COL18A1: variants seen among roughly 807,000 people sequenced by gnomAD.
COL18A1 encodes the protein collagen alpha-1(XVIII) chain.
In COL18A1, 133 loss-of-function variants were observed where a neutral mutation model predicts 168.0. The observed-to-expected ratio is 0.79, with a 90% CI of 0.69 to 0.91. The LOEUF is 0.91. Ranked by LOEUF, COL18A1 falls within the 40% of genes least tolerant of loss-of-function variation. The pLI, the probability that COL18A1 is intolerant of heterozygous loss-of-function variation, is 0.00. For synonymous variants in COL18A1, 949 were observed against 809.0 expected (o/e 1.17, Z -2.94); for missense variants, 2,126 against 1,925.4 (o/e 1.10, Z -1.95).
intron 29 of COL18A1, chr21:45,496,157 T>C (rs1490279783): frequency 2.2e-6 from 1 of 462,206 alleles, no homozygotes; most frequent in African/African-American, 2.0e-5. Context: ...AGCCCAAAGG[T>C]GTCCACTCTG....
intron 2 of COL18A1, among the ~76,000 whole-genome samples, chr21:45,426,885 G>A (rs1160098872): frequency 1.3e-5 from 2 of 152,354 alleles, no homozygotes; most frequent in African/African-American, 2.4e-5. Flanking sequence ...GGTGGAAGGA[G>A]CTGCCTCTTG....
intron 37 of COL18A1, chr21:45,506,214 G>A: frequency 1.9e-6 from 1 of 538,558 alleles, no homozygotes; most frequent in Non-Finnish European, 3.3e-6. Context: ...CTCCTGGTGG[G>A]TCATGTCACA....
chr21:45,429,543 C>T (rs773165889), intron 2 of COL18A1, among the ~76,000 whole-genome samples: 6 of 152,224 alleles, frequency 3.9e-5, no homozygotes, highest in Non-Finnish European at 7.3e-5. Context: ...AGGAAGGCTC[C>T]ACTTCCTGTC....
chr21:45,444,233 G>A lies in COL18A1; in HGVS notation c.107-24009G>A, dbSNP rs142762620. Among the ~76,000 whole-genome samples, 518 of 152,220 alleles carry A rather than the reference G, an allele frequency of 3.4e-3. 3 individuals carry two copies. The highest frequency in any genetic ancestry group is 0.012 in the African/African-American group (497 of 41,520). On this transcript the variant is annotated intron_variant, in intron 2 of 41. Transcript: ENST00000651438. Reference sequence around the variant, plus strand: ...TTTGTGCCAGGTTTTGTTCTCCAGCGCATCTTCAGTGCTGCGAGCAGGCTG... The same window carrying A: ...TTTGTGCCAGGTTTTGTTCTCCAGCACATCTTCAGTGCTGCGAGCAGGCTG...
intron 2 of COL18A1, chr21:45,455,486 C>T (rs1373143884): frequency 2.5e-6 from 4 of 1,607,140 alleles, no homozygotes; most frequent in African/African-American, 1.3e-5. Context: ...CACCTCCAGG[C>T]ACAGAGGCCC....
chr21:45,475,856 C>G lies in COL18A1; in HGVS notation c.798+321C>G, dbSNP rs56964182. On this transcript the variant is annotated intron_variant, in intron 5 of 41. Transcript: ENST00000651438. The stretch of plus-strand genomic sequence containing the variant: ...CGCCCCATCCCTCCGTTAGCTCGTG[C>G]GTGGCCATCAGGGAATGAACGCGTG... 4.4e-3 allele frequency among the ~76,000 whole-genome samples: 670 copies of G among 152,348 alleles called. 9 individuals carry two copies. The highest frequency in any genetic ancestry group is 0.016 in the African/African-American group (648 of 41,584).
chr21:45,452,512 G>T (rs765797297), intron 2 of COL18A1, among the ~76,000 whole-genome samples: 1 of 94,356 alleles, frequency 1.1e-5, no homozygotes, highest in South Asian at 3.5e-4. Context: ...TTCACGTGAC[G>T]TGTGAGCATG....
intron 2 of COL18A1, among the ~76,000 whole-genome samples, chr21:45,418,215 G>C (rs886252722): frequency 6.6e-6 from 1 of 152,254 alleles, no homozygotes; most frequent in Non-Finnish European, 1.5e-5. Context: ...GCGCTGAGCG[G>C]AGCTGGCCGG....
intron 2 of COL18A1, among the ~76,000 whole-genome samples, chr21:45,429,396 C>A (rs1330772760): frequency 1.3e-5 from 2 of 150,928 alleles, no homozygotes; most frequent in Admixed American, 6.7e-5. Context: ...TGCTGCAGGT[C>A]CCTGTGAGGA....
chr21:45,466,586 G>T (rs1291728660), intron 2 of COL18A1, among the ~76,000 whole-genome samples: 3 of 152,246 alleles, frequency 2.0e-5, no homozygotes, highest in Non-Finnish European at 4.4e-5. Flanking sequence ...GGGAGTGGAG[G>T]CTGCGCCATT....
intron 20 of COL18A1, among the ~76,000 whole-genome samples, chr21:45,490,576 G>GGCC (rs1568921880): frequency 8.2e-5 from 10 of 122,354 alleles, no homozygotes; most frequent in African/African-American, 1.2e-4. Context: ...GCCCTCTCAG[G>GGCC]TCCCTGGGCC....
chr21:45,468,499 G>A lies in COL18A1; in HGVS notation c.364G>A (p.Gly122Ser). ...TDSAQAMVLL[G>S]VKLSGVQDGH... ...CTCGGCGCAGGCCATGGTCTTGCTG[G>A]GCGTGAAGCTCTCTGGGGTGCAGGA... The change falls in exon 3 of 42, where the codon GGC becomes AGC. Residue 122 changes from glycine (G) to serine (S), a missense_variant. Transcript: ENST00000651438. 1 of 1,613,908 alleles carries A rather than the reference G, an allele frequency of 6.2e-7. No homozygotes were observed. The highest frequency in any genetic ancestry group is 8.5e-7 in the Non-Finnish European group (1 of 1,180,010).
At chr21:45,482,119 A>G in intron 14 of COL18A1, 94 bp downstream of exon 14, 1 of 943,578 alleles carries the variant, frequency 1.1e-6, no homozygotes, top group Non-Finnish European at 1.7e-6. Context: ...TGAAGGGGAA[A>G]TGCCAGGAAT....
chr21:45,472,753 T>G (rs2035488631), intron 3 of COL18A1, among the ~76,000 whole-genome samples: 1 of 152,098 alleles, frequency 6.6e-6, no homozygotes, highest in Non-Finnish European at 1.5e-5. Flanking sequence ...GAACCGCTGG[T>G]GCGTTTTGTG....
At chr21:45,484,358 G>T (rs558601184) in intron 15 of COL18A1, among the ~76,000 whole-genome samples, 1 of 111,958 alleles carries the variant, frequency 8.9e-6, no homozygotes, top group Non-Finnish European at 1.8e-5. Flanking sequence ...GCATATGTGC[G>T]CACACACATA....
At position 45,477,951 on chromosome 21, in the gene COL18A1, A is replaced by G; in HGVS notation, c.1207A>G (p.Arg403Gly). The G allele has an allele frequency of 6.5e-7, 1 of 1,531,856 alleles. No homozygotes were observed. The highest frequency in any genetic ancestry group is 8.9e-7 in the Non-Finnish European group (1 of 1,128,714). The allele number at this position is 1,531,856 out of a possible 1,614,324, so 94.9% of individuals were successfully genotyped here. ...GPPGRDGTPG[R>G]DGEPGDPGED... ...TCCGGGGAGGGACGGCACCCCTGGA[A>G]GGGACGGCGAGCCGGTGAGTCCTCA... Residue 403 changes from arginine to glycine, a missense_variant, in exon 8 of 42, where the codon AGG (arginine) becomes GGG (glycine). Physicochemically the swap from Arg to Gly is moderately radical, Grantham distance 125 (BLOSUM62 -2). Coordinates refer to ENST00000651438, the MANE Select transcript of COL18A1 (RefSeq NM_001379500.1).
intron 2 of COL18A1, among the ~76,000 whole-genome samples, chr21:45,422,039 CACAG>C (rs2123548969): frequency 6.6e-6 from 1 of 152,270 alleles, no homozygotes; most frequent in East Asian, 1.9e-4. Context: ...CACACAGGTT[CACAG>C]ACACACAGGC....
rs770863635 is a variant in COL18A1 at position 45,503,996 on chromosome 21, G to A, written c.2684-15G>A. ...ACACCACCTCAGCGAGACCCCGCCT[G>A]TCTCTCTCTTGCAGGGCAGTTTCCG... On this transcript the variant is annotated splice_polypyrimidine_tract_variant and intron_variant, in intron 32 of 41. Coordinates refer to ENST00000651438, the MANE Select transcript of COL18A1 (RefSeq NM_001379500.1). 3 of 1,613,608 alleles carry A rather than the reference G, an allele frequency of 1.9e-6. No individual in the cohort carries two copies. In the South Asian group the frequency reaches 3.3e-5, roughly 18 times the overall value.
chr21:45,509,424 G>A lies in COL18A1; in HGVS notation c.3318G>A (p.Arg1106=). The A allele has an allele frequency of 6.5e-7, 1 of 1,537,954 alleles. No homozygotes were observed. Among genetic ancestry groups the A allele is most frequent in the Non-Finnish European group, 8.7e-7 (1 of 1,143,038 alleles). ...QLHDSNPYPR[R]EHPHPTARPW... ...ACGACAGCAACCCCTACCCGCGGCGGGAGCACCCCCACCCCACCGCGCGGC... is the reference window on the plus strand; with the variant it reads ...ACGACAGCAACCCCTACCCGCGGCGAGAGCACCCCCACCCCACCGCGCGGC... Residue 1106 remains arginine, a synonymous_variant, in exon 39 of 42, where the codon CGG becomes CGA. Transcript: ENST00000651438.
Sources: gnomAD v4.1 joint callset for allele counts (sites outside exome capture counted in the v4.1 genomes callset) on GRCh38, gnomAD v4.1.1 for gene constraint, MANE v1.5 for transcripts, NCBI Gene and HGNC (gene_info 2026-07-23, HGNC 2026-07-21) for gene names.